The following HAPLN1 variants were observed in gnomAD, a reference collection of about 807,000 sequenced individuals.
HAPLN1 encodes hyaluronan and proteoglycan link protein 1, also known as Cartilage link protein.
Under a neutral mutation model 36.5 loss-of-function variants are expected in HAPLN1, and 13 were observed. The ratio of observed to expected loss-of-function variants is 0.36; its 90% confidence interval spans 0.23 to 0.57. The LOEUF (loss-of-function observed/expected upper bound fraction) is 0.57. Among genes scored for constraint, HAPLN1 ranks in the 20% least tolerant of loss-of-function variants. The probability of loss-of-function intolerance (pLI) is 0.83; values close to 1 mark genes in which losing one functional copy is unlikely to be tolerated. For synonymous variants in HAPLN1, 202 were observed against 169.8 expected (o/e 1.19, Z -1.48); for missense variants, 407 against 439.7 (o/e 0.93, Z 0.66).
At position 83,713,164 on chromosome 5, in the gene HAPLN1, C is replaced by T. The variant is rs114720745; in HGVS notation, c.-27+7625G>A. Among the ~76,000 whole-genome samples, 1,076 of 152,156 alleles carry T rather than the reference C, an allele frequency of 7.1e-3. 18 individuals carry two copies. Among genetic ancestry groups the T allele is most frequent in the African/African-American group, 0.025 (1,037 of 41,512 alleles). On this transcript the variant is annotated intron_variant, in intron 1 of 4. Coordinates refer to ENST00000274341, the MANE Select transcript of HAPLN1 (RefSeq NM_001884.4). ...CAGCAACATATATTTAAAGTTAGTT[C>T]GGTATTGGACAAAATGTAATAAACA...
chr5:83,697,881 G>A (rs1289772781), intron 1 of HAPLN1, among the ~76,000 whole-genome samples: 1 of 151,790 alleles, frequency 6.6e-6, no homozygotes, highest in East Asian at 1.9e-4. Context: ...TTTTTAATTG[G>A]GCTGTTTATT....
intron 2 of HAPLN1, among the ~76,000 whole-genome samples, chr5:83,666,778 T>G (rs185980312): frequency 6.6e-6 from 1 of 152,290 alleles, no homozygotes; most frequent in African/African-American, 2.4e-5. Flanking sequence ...TTTTCTTGCT[T>G]GCTTGTTGCC....
chr5:83,695,786 G>T (rs1751379614), intron 1 of HAPLN1, among the ~76,000 whole-genome samples: 3 of 151,262 alleles, frequency 2.0e-5, no homozygotes, highest in Admixed American at 1.3e-4. Context: ...TCTGATAAAG[G>T]GCATCTATGT....
chr5:83,660,221 A>C (rs144635680), intron 2 of HAPLN1, among the ~76,000 whole-genome samples: 1 of 152,294 alleles, frequency 6.6e-6, no homozygotes, highest in African/African-American at 2.4e-5. Context: ...TAAATGGATT[A>C]TGTGATGGGA....
At chr5:83,706,683 C>T (rs1458532719) in intron 1 of HAPLN1, among the ~76,000 whole-genome samples, 2 of 152,150 alleles carry the variant, frequency 1.3e-5, no homozygotes, top group Non-Finnish European at 2.9e-5. Context: ...AACAAGGATG[C>T]CCTCTCTCAC....
intron 2 of HAPLN1, 151 bp downstream of exon 2, chr5:83,673,273 T>TA: frequency 1.7e-6 from 1 of 582,652 alleles, no homozygotes; most frequent in Non-Finnish European, 3.0e-6. Context: ...CAATAGTGTT[T>TA]AAAAGCCAGG....
chr5:83,669,164 C>T (rs1750632793), intron 2 of HAPLN1, among the ~76,000 whole-genome samples: 1 of 152,094 alleles, frequency 6.6e-6, no homozygotes, highest in Non-Finnish European at 1.5e-5. Context: ...GTTTGGAGAA[C>T]TTTAGTTTCT....
intron 1 of HAPLN1, among the ~76,000 whole-genome samples, chr5:83,689,957 C>T (rs911139701): frequency 3.9e-5 from 6 of 152,004 alleles, no homozygotes; most frequent in African/African-American, 1.2e-4. Context: ...GCTATTCATT[C>T]TTTCTTAGCT....
chr5:83,672,308 T>C (rs1428777897), intron 2 of HAPLN1, among the ~76,000 whole-genome samples: 4 of 152,194 alleles, frequency 2.6e-5, no homozygotes, highest in African/African-American at 2.4e-5. Flanking sequence ...AAATATCATA[T>C]GGTCTTTGGG....
chr5:83,689,522 G>T (rs1751220815), intron 1 of HAPLN1, among the ~76,000 whole-genome samples: 1 of 152,012 alleles, frequency 6.6e-6, no homozygotes, highest in Non-Finnish European at 1.5e-5. Flanking sequence ...CTCTGGAAGG[G>T]AATTAGAGTG....
intron 1 of HAPLN1, among the ~76,000 whole-genome samples, chr5:83,716,453 C>A (rs1000800302): frequency 6.6e-6 from 1 of 152,112 alleles, no homozygotes; most frequent in Non-Finnish European, 1.5e-5. Flanking sequence ...CAGGTGTCAC[C>A]CCTGTTAAGC....
At chr5:83,652,294 A>G in intron 3 of HAPLN1, 159 bp downstream of exon 3, 9 of 678,830 alleles carry the variant, frequency 1.3e-5, no homozygotes, top group Non-Finnish European at 2.2e-5. Context: ...GAAAGCTGGA[A>G]TCATAGGCAG....
Position 83,638,866 on chromosome 5 carries a change from G to T in HAPLN1, c.*2630C>A, listed in dbSNP as rs932803244. The T allele has an allele frequency of 6.6e-6, 1 of 151,864 alleles. No homozygotes were observed. 9.4% of individuals were successfully genotyped at this position (151,864 alleles called of 1,614,324 possible). On this transcript the variant is annotated 3_prime_UTR_variant, in exon 5 of 5. Transcript: ENST00000274341. ...TTATTTGAATTGCTTCTTTTTGTTT[G>T]GGTTTTCCAATGTAGATGTCTCAGT... is the stretch of plus-strand genomic sequence containing the variant.
rs1380465082 is a variant in HAPLN1 at position 83,644,305 on chromosome 5, G to A, written c.775+58C>T. On this transcript the variant is annotated intron_variant, in intron 4 of 4. Coordinates refer to ENST00000274341, the MANE Select transcript of HAPLN1 (RefSeq NM_001884.4). ...GATAAGATTAAAAGCCAAGTGTAGT[G>A]TTATAGTATGGAATAGTCTGTGAGA... 1.0e-5 allele frequency: 13 copies of A among 1,249,516 alleles called. No homozygotes were observed. The Admixed American group carries it at 2.6e-4, about 25-fold the overall frequency. The allele number at this position is 1,249,516 out of a possible 1,614,324, so 77.4% of individuals were successfully genotyped here.
intron 1 of HAPLN1, among the ~76,000 whole-genome samples, chr5:83,715,113 G>A (rs1751888276): frequency 6.6e-6 from 1 of 152,192 alleles, no homozygotes; most frequent in African/African-American, 2.4e-5. Flanking sequence ...AAGACCTTGG[G>A]GGATTCAATG....
chr5:83,678,041 T>A (rs1007713160), intron 1 of HAPLN1, among the ~76,000 whole-genome samples: 1 of 152,164 alleles, frequency 6.6e-6, no homozygotes, highest in Non-Finnish European at 1.5e-5. Flanking sequence ...TCCCCCTCAG[T>A]GATCCTGATG....
chr5:83,647,598 A>G (rs1749910496), intron 3 of HAPLN1, among the ~76,000 whole-genome samples: 1 of 152,194 alleles, frequency 6.6e-6, no homozygotes, highest in African/African-American at 2.4e-5. Flanking sequence ...TGTAGAAAAA[A>G]TGTGCAATTC....
Position 83,644,406 on chromosome 5 carries a change from A to G in HAPLN1, c.732T>C (p.Asp244=). Reference sequence around the variant, plus strand: ...AACAGAAAACATCATATCTGCTTTTATCTTTATCCCAAAATCCGTAGTTCC... The same window carrying G: ...AACAGAAAACATCATATCTGCTTTTGTCTTTATCCCAAAATCCGTAGTTCC... The part of the protein sequence containing the change: ...GVRNYGFWDK[D]KSRYDVFCFT... The change falls in exon 4 of 5, where the codon GAT becomes GAC. Residue 244 remains aspartate (D), a synonymous_variant. Transcript: ENST00000274341. The G allele has an allele frequency of 6.2e-7, 1 of 1,600,006 alleles. No individual in the cohort carries two copies. The highest frequency in any genetic ancestry group is 8.5e-7 in the Non-Finnish European group (1 of 1,175,284).
At chr5:83,676,144 GTGCACACATACACAGAGATA>G (rs71605867) in intron 1 of HAPLN1, among the ~76,000 whole-genome samples, 4,957 of 148,284 alleles carry the variant, frequency 0.033, 336 homozygotes, top group African/African-American at 0.12. Flanking sequence ...GTTCACATGT[GTGCACACATACACAGAGATA>G]TGCACACATA....
Sources: gnomAD v4.1 joint callset for allele counts (sites outside exome capture counted in the v4.1 genomes callset) on GRCh38, gnomAD v4.1.1 for gene constraint, MANE v1.5 for transcripts, NCBI Gene and HGNC (gene_info 2026-07-23, HGNC 2026-07-21) for gene names.